DMD: variants seen among roughly 807,000 people sequenced by gnomAD.
The protein encoded by DMD is mutant dystrophin.
Under a neutral mutation model 330.1 loss-of-function variants are expected in DMD, and 63 were observed. The observed-to-expected ratio is 0.19, with a 90% CI of 0.16 to 0.24. DMD has a LOEUF of 0.24. Ranked by LOEUF, DMD falls within the 10% of genes least tolerant of loss-of-function variation. The probability of loss-of-function intolerance (pLI) is 1.00; values close to 1 mark genes in which losing one functional copy is unlikely to be tolerated. For synonymous variants in DMD, 1,223 were observed against 959.8 expected, an observed-to-expected ratio of 1.27 and a Z score of -5.07; for missense variants, 3,344 against 2,684.1, an observed-to-expected ratio of 1.25 and a Z score of -5.43.
intron 7 of DMD, among the ~76,000 whole-genome samples, chrX:32,719,991 C>CA (rs1351253823): frequency 1.8e-5 from 2 of 109,823 alleles, no homozygotes; most frequent in African/African-American, 6.6e-5. Context: ...TATATATACA[C>CA]ACACACACGT....
At chrX:33,202,477 G>C (rs1442861356) in intron 1 of DMD, among the ~76,000 whole-genome samples, 1 of 111,816 alleles carries the variant, frequency 8.9e-6, no homozygotes, top group Non-Finnish European at 1.9e-5. Context: ...TCAGAGAAGT[G>C]CCTGACACTT....
At chrX:32,803,852 C>T (rs758162072) in intron 7 of DMD, among the ~76,000 whole-genome samples, 1 of 111,908 alleles carries the variant, frequency 8.9e-6, no homozygotes, top group South Asian at 3.7e-4. Context: ...TTTGCATTTG[C>T]TGAGGAGTAT....
intron 9 of DMD, among the ~76,000 whole-genome samples, chrX:32,659,094 A>C (rs1413383371): frequency 8.9e-6 from 1 of 111,914 alleles, no homozygotes; most frequent in African/African-American, 3.2e-5. Flanking sequence ...CAGAATAGAG[A>C]ACTAACAACA....
intron 2 of DMD, among the ~76,000 whole-genome samples, chrX:32,910,931 A>G (rs1418490128): frequency 8.9e-6 from 1 of 111,992 alleles, no homozygotes; most frequent in African/African-American, 3.2e-5. Flanking sequence ...AGAATCTCAG[A>G]CAACAGACAC....
chrX:32,348,570 T>A (rs1358051931), intron 37 of DMD, 42 bp from the exon 38 acceptor site: 1 of 1,119,695 alleles, frequency 8.9e-7, no homozygotes, highest in Non-Finnish European at 1.2e-6. Flanking sequence ...AAATTACTTT[T>A]TATTAGAAAC....
At chrX:31,933,692 CTT>C (rs750408780) in intron 45 of DMD, among the ~76,000 whole-genome samples, 2 of 111,948 alleles carry the variant, frequency 1.8e-5, no homozygotes, top group East Asian at 5.6e-4. Context: ...GAAATCTCCT[CTT>C]ATCCCTTTGC....
intron 44 of DMD, among the ~76,000 whole-genome samples, chrX:32,135,139 C>A (rs2096718315): frequency 8.9e-6 from 1 of 111,989 alleles, no homozygotes; most frequent in Admixed American, 9.5e-5. Flanking sequence ...ATCTACATTT[C>A]CCCAAACTAA....
intron 6 of DMD, among the ~76,000 whole-genome samples, chrX:32,809,919 C>CAAAAAAAAAAAAAAAAAAAAAAAAA (rs55898363): frequency 3.5e-5 from 1 of 28,660 alleles, no homozygotes; most frequent in African/African-American, 1.3e-4. Context: ...TTGTTTCTAC[C>CAAAAAAAAAAAAAAAAAAAAAAAAA]AAAAAAAAAA....
At chrX:31,906,122 C>T (rs546768858) in intron 47 of DMD, among the ~76,000 whole-genome samples, 91 of 111,162 alleles carry the variant, frequency 8.2e-4, no homozygotes, top group Non-Finnish European at 7.0e-4. Context: ...TGAGTTCTCA[C>T]GAGGTCTGAT....
At chrX:31,391,694 A>C in intron 60 of DMD, among the ~76,000 whole-genome samples, 1 of 109,377 alleles carries the variant, frequency 9.1e-6, no homozygotes, top group Non-Finnish European at 1.9e-5. Flanking sequence ...AACATGGTGA[A>C]ACCCCATGTC....
intron 54 of DMD, among the ~76,000 whole-genome samples, chrX:31,657,267 T>A (rs1233628201): frequency 1.8e-5 from 2 of 111,910 alleles, no homozygotes; most frequent in Non-Finnish European, 3.8e-5. Context: ...CCCTATTATA[T>A]CACGTGGTTC....
intron 1 of DMD, among the ~76,000 whole-genome samples, chrX:33,201,299 C>A (rs1431160699): frequency 9.0e-6 from 1 of 111,261 alleles, no homozygotes; most frequent in African/African-American, 3.3e-5. Context: ...TTGCCTCCCA[C>A]CCTCATTTAT....
At chrX:31,872,968 G>A (rs2149670425) in intron 48 of DMD, among the ~76,000 whole-genome samples, 1 of 111,035 alleles carries the variant, frequency 9.0e-6, no homozygotes, top group East Asian at 2.9e-4. Flanking sequence ...AGACGATGAT[G>A]TGTTTTGTAC....
At chrX:32,267,808 C>T (rs2097350345) in intron 43 of DMD, among the ~76,000 whole-genome samples, 1 of 111,838 alleles carries the variant, frequency 8.9e-6, no homozygotes, top group African/African-American at 3.2e-5. Flanking sequence ...TAGGATTGTG[C>T]ACGTGACCTT....
intron 44 of DMD, among the ~76,000 whole-genome samples, chrX:32,038,098 A>G (rs1351698321): frequency 2.7e-5 from 3 of 112,005 alleles, no homozygotes; most frequent in African/African-American, 9.7e-5. Flanking sequence ...TGGCCTTAAC[A>G]TAAGAGATAC....
At chrX:32,886,254 T>A (rs895416418) in intron 2 of DMD, among the ~76,000 whole-genome samples, 2 of 110,250 alleles carry the variant, frequency 1.8e-5, no homozygotes, top group African/African-American at 6.6e-5. Context: ...ATAGAGATAT[T>A]TATCCATACA....
At chrX:32,848,622 T>C (rs932826968) in intron 3 of DMD, among the ~76,000 whole-genome samples, 3 of 108,852 alleles carry the variant, frequency 2.8e-5, no homozygotes, top group Non-Finnish European at 5.8e-5. Context: ...CATAGGTATG[T>C]CTCTTCTGTA....
chrX:32,243,023 GAAGTA>G (rs898248171), intron 43 of DMD, among the ~76,000 whole-genome samples: 1 of 107,362 alleles, frequency 9.3e-6, no homozygotes, highest in Admixed American at 1.0e-4. Flanking sequence ...AAGGAAAGCA[GAAGTA>G]AAGAAAAGAA....
At chrX:33,089,300 A>C (rs903078870) in intron 1 of DMD, among the ~76,000 whole-genome samples, 2 of 110,547 alleles carry the variant, frequency 1.8e-5, no homozygotes, top group African/African-American at 6.6e-5. Flanking sequence ...TCTTGACCTC[A>C]TGATCCACCA....
Sources: allele counts gnomAD v4.1 joint callset (sites outside exome capture counted in the v4.1 genomes callset), GRCh38; gene constraint gnomAD v4.1.1; transcripts MANE v1.5; gene names NCBI Gene and HGNC (gene_info 2026-07-23, HGNC 2026-07-21).